SCUBE3: variants seen among roughly 807,000 people sequenced by gnomAD.
SCUBE3 encodes the protein signal peptide, CUB domain and EGF like domain containing 3.
A neutral mutation model predicts 116.8 loss-of-function variants in SCUBE3; 33 were observed. That is an observed-to-expected ratio of 0.28 (90% CI 0.21 to 0.38). The LOEUF is 0.38. Ranked by LOEUF, SCUBE3 falls within the 10% of genes least tolerant of loss-of-function variation. The probability of loss-of-function intolerance (pLI) is 1.00; values close to 1 mark genes in which losing one functional copy is unlikely to be tolerated. For synonymous variants in SCUBE3, 418 were observed against 496.9 expected (o/e 0.84, Z 2.11); for missense variants, 1,007 against 1,324.8 (o/e 0.76, Z 3.72).
chr6:35,245,091 G>A lies in SCUBE3; in HGVS notation c.2402-137G>A. On this transcript the variant is annotated intron_variant, in intron 18 of 21. Transcript: ENST00000274938. The surrounding 1 kb of genome is among the most constrained non-coding windows in gnomAD (Gnocchi z 4.2). ...AGGAAGGAAGATGGACTCAGAGCTTGGAAAATAATGATGAACTAGAACGCA... is the reference window on the plus strand; with the variant it reads ...AGGAAGGAAGATGGACTCAGAGCTTAGAAAATAATGATGAACTAGAACGCA... The A allele has an allele frequency of 1.2e-6, 1 of 826,652 alleles. No individual in the cohort carries two copies. Among genetic ancestry groups the A allele is most frequent in the Non-Finnish European group, 2.0e-6 (1 of 500,038 alleles). The allele number at this position is 826,652 out of a possible 1,614,324, so 51.2% of individuals were successfully genotyped here. A position where few individuals can be genotyped will look rare whatever the true frequency, so the allele number is the denominator to read the frequency against.
rs753414047 is a variant in SCUBE3 at position 35,232,916 on chromosome 6, G to A, written c.536G>A (p.Gly179Asp). The A allele has an allele frequency of 1.7e-5, 27 of 1,614,058 alleles. No homozygotes were observed. The highest frequency in any genetic ancestry group is 2.2e-5 in the Non-Finnish European group (26 of 1,180,004). Reference protein sequence around the residue: ...AHICRETPKGGIACECRPGFE... With the variant: ...AHICRETPKGDIACECRPGFE... ...ATTTGCCGGGAGACACCCAAGGGGGGTATTGCCTGTGAATGCCGTCCTGGC... is the reference window on the plus strand; with the variant it reads ...ATTTGCCGGGAGACACCCAAGGGGGATATTGCCTGTGAATGCCGTCCTGGC... Residue 179 changes from glycine (G) to aspartate (D), a missense_variant, in exon 5 of 22, where the codon GGT (glycine) becomes GAT (aspartate). Coordinates refer to ENST00000274938, the MANE Select transcript of SCUBE3 (RefSeq NM_152753.4). The surrounding 1 kb of genome is among the most constrained non-coding windows in gnomAD (Gnocchi z 4.2).
In SCUBE3 at chr6:35,243,171, C is replaced by T. The variant is rs745637146; in HGVS notation, c.1844C>T (p.Ala615Val). The change falls in exon 15 of 22, where the codon GCC becomes GTC. Residue 615 changes from alanine (A) to valine (V), a missense_variant. Physicochemically the swap from Ala to Val is moderately conservative, Grantham distance 64. This residue lies in a region of SCUBE3 where 544 missense variants were observed against 638.9 expected (regional missense o/e 0.85). Transcript: ENST00000274938. This position sits in a 1 kb window ranked among gnomAD's most constrained non-coding sequence, Gnocchi z 6.6. ...CTGGCCCACAAGCCGGGCCTGGTAG[C>T]CGGGGAGCGAGCAGAGCCGATGGAG... is the stretch of plus-strand genomic sequence containing the variant. The part of the protein sequence containing the change: ...YELAHKPGLV[A>V]GERAEPMESC... 5 of 1,614,088 alleles carry T rather than the reference C, an allele frequency of 3.1e-6. No individual in the cohort carries two copies. The Admixed American group carries it at 5.0e-5, about 16-fold the overall frequency.
rs1490336427 is a variant in SCUBE3, at chr6:35,249,916, GGTTTTTGTTTTCTGGGTTTGTTTTTT to G, written c.*1222_*1247del. The G allele has an allele frequency of 5.9e-5, 9 of 152,664 alleles. No individual in the cohort carries two copies. Among genetic ancestry groups the G allele is most frequent in the African/African-American group, 9.7e-5 (4 of 41,428 alleles). The allele number at this position is 152,664 out of a possible 1,614,324, so 9.5% of individuals were successfully genotyped here. A position where few individuals can be genotyped will look rare whatever the true frequency, so the allele number is the denominator to read the frequency against. Reference sequence around the variant, plus strand: ...TCTTTCTATGTTGTCTAGACGGAGGGGTTTTTGTTTTCTGGGTTTGTTTTTTGTTTTTGTTTCTTCTTCCTCTATTA... The same window carrying G: ...TCTTTCTATGTTGTCTAGACGGAGGGGTTTTTGTTTCTTCTTCCTCTATTA... On this transcript the variant is annotated 3_prime_UTR_variant, in exon 22 of 22. Transcript: ENST00000274938.
chr6:35,221,571 T>G (rs985160872), intron 1 of SCUBE3: 20 of 152,226 alleles, frequency 1.3e-4, no homozygotes, highest in African/African-American at 4.8e-4. Context: ...GGCTTCAATG[T>G]AGAATTCATC....
chr6:35,224,708 A>G (rs1783256877), intron 1 of SCUBE3: 2 of 151,422 alleles, frequency 1.3e-5, no homozygotes, highest in Admixed American at 1.3e-4. Context: ...GATCCACTCT[A>G]GTACTGGTGA....
rs1423963311 is a variant in SCUBE3, at chr6:35,242,714, C to G, written c.1627C>G (p.Pro543Ala). 6.2e-7 allele frequency: 1 copy of G among 1,614,146 alleles called. No homozygotes were observed. The highest frequency in any genetic ancestry group is 1.7e-5 in the Admixed American group (1 of 60,026). ...CAAGGGCCGACGGGCCCGGACCCCTCCAGGCAAAGAGGTCACAAGGCTCAC... is the reference window on the plus strand; with the variant it reads ...CAAGGGCCGACGGGCCCGGACCCCTGCAGGCAAAGAGGTCACAAGGCTCAC... Reference protein sequence around the residue: ...KGKGRRARTPPGKEVTRLTLE... With the variant: ...KGKGRRARTPAGKEVTRLTLE... Residue 543 changes from proline to alanine, a missense_variant, in exon 14 of 22, where the codon CCA (proline) becomes GCA (alanine). Physicochemically the swap from Pro to Ala is conservative, Grantham distance 27 (BLOSUM62 -1). Around this residue, in one of 5 missense-constraint regions of SCUBE3, gnomAD observed 544 missense variants for 638.9 expected, o/e 0.85. Coordinates refer to ENST00000274938, the MANE Select transcript of SCUBE3 (RefSeq NM_152753.4).
chr6:35,236,979 T>A (rs186783035), intron 6 of SCUBE3, among the ~76,000 whole-genome samples: 1 of 152,196 alleles, frequency 6.6e-6, no homozygotes, highest in East Asian at 1.9e-4. Flanking sequence ...ATTCAGAAAA[T>A]AGGGAGAGTG....
rs57396110 is a variant in SCUBE3 at position 35,227,841 on chromosome 6, C to G, written c.208+139C>G. On this transcript the variant is annotated intron_variant, in intron 2 of 21. Transcript: ENST00000274938. ...AGTGGTGGGGGGGTGGTGAGGGGGG[C>G]AACTGCATCTTCCCAGAGAGGGTGC... is the stretch of plus-strand genomic sequence containing the variant. The G allele has an allele frequency of 8.3e-5, 71 of 852,608 alleles. No individual in the cohort carries two copies. The African/African-American group carries it at 1.1e-3, about 14-fold the overall frequency. 52.8% of individuals were successfully genotyped at this position (852,608 alleles called of 1,614,324 possible). A position where few individuals can be genotyped will look rare whatever the true frequency, so the allele number is the denominator to read the frequency against.
Position 35,228,845 on chromosome 6 carries a change from C to T in SCUBE3, c.334+106C>T. 8.4e-7 allele frequency: 1 copy of T among 1,195,756 alleles called. No homozygotes were observed. The highest frequency in any genetic ancestry group is 1.2e-6 in the Non-Finnish European group (1 of 814,214). The allele number at this position is 1,195,756 out of a possible 1,614,324, so 74.1% of individuals were successfully genotyped here. A position where few individuals can be genotyped will look rare whatever the true frequency, so the allele number is the denominator to read the frequency against. On this transcript the variant is annotated intron_variant, in intron 3 of 21. Transcript: ENST00000274938. The surrounding 1 kb of genome is among the most constrained non-coding windows in gnomAD (Gnocchi z 4.9). ...AGGAGGAGAGAGTGATCAAGAAGAGCTACATTCACAAGAGAATAAGGTCAG... is the reference window on the plus strand; with the variant it reads ...AGGAGGAGAGAGTGATCAAGAAGAGTTACATTCACAAGAGAATAAGGTCAG...
chr6:35,228,692 C>T lies in SCUBE3; in HGVS notation c.287C>T (p.Thr96Ile). ...CVNIPGNYRC[T>I]CYDGFHLAHD... ...AACATCCCTGGCAATTACCGGTGTA[C>T]CTGCTATGATGGATTCCACCTGGCA... Residue 96 changes from threonine (T) to isoleucine (I), a missense_variant, in exon 3 of 22, where the codon ACC becomes ATC. By Grantham distance (89) the Thr-to-Ile change is moderately conservative (BLOSUM62 -1). This residue lies in a region of SCUBE3 where 37 missense variants were observed against 80.6 expected (regional missense o/e 0.46). Coordinates refer to ENST00000274938, the MANE Select transcript of SCUBE3 (RefSeq NM_152753.4). The surrounding 1 kb of genome is among the most constrained non-coding windows in gnomAD (Gnocchi z 4.9). 2 of 1,613,966 alleles carry T rather than the reference C, an allele frequency of 1.2e-6. No homozygotes were observed. Among genetic ancestry groups the T allele is most frequent in the East Asian group, 2.2e-5 (1 of 44,882 alleles).
At position 35,244,606 on chromosome 6, in the gene SCUBE3, A is replaced by C; in HGVS notation, c.2240-44A>C. 1 of 1,569,878 alleles carries C rather than the reference A, an allele frequency of 6.4e-7. No individual in the cohort carries two copies. Among genetic ancestry groups the C allele is most frequent in the Non-Finnish European group, 8.8e-7 (1 of 1,141,634 alleles). On this transcript the variant is annotated intron_variant, in intron 17 of 21. Coordinates refer to ENST00000274938, the MANE Select transcript of SCUBE3 (RefSeq NM_152753.4). The surrounding 1 kb of genome is among the most constrained non-coding windows in gnomAD (Gnocchi z 4.3). Reference sequence around the variant, plus strand: ...GTCCATCCCATGCCCCGTAACTCCCACCTGCCTACCATCTTGATTCCTGCC... The same window carrying C: ...GTCCATCCCATGCCCCGTAACTCCCCCCTGCCTACCATCTTGATTCCTGCC...
chr6:35,240,630 T>G lies in SCUBE3; in HGVS notation c.1069+140T>G, dbSNP rs1429265162. 1.9e-6 allele frequency: 1 copy of G among 535,018 alleles called. No individual in the cohort carries two copies. The highest frequency in any genetic ancestry group is 3.3e-6 in the Non-Finnish European group (1 of 299,444). 33.1% of individuals were successfully genotyped at this position (535,018 alleles called of 1,614,324 possible). On this transcript the variant is annotated intron_variant, in intron 9 of 21. Transcript: ENST00000274938. This position sits in a 1 kb window ranked among gnomAD's most constrained non-coding sequence, Gnocchi z 4.6. ...CATGTCTGCATCCGCTGTGACAAAATAGGAGGAATTAAGACAGCTTTTGAA... is the reference window on the plus strand; with the variant it reads ...CATGTCTGCATCCGCTGTGACAAAAGAGGAGGAATTAAGACAGCTTTTGAA...
At chr6:35,226,736 C>G (rs1476479886) in intron 1 of SCUBE3, among the ~76,000 whole-genome samples, 1 of 152,092 alleles carries the variant, frequency 6.6e-6, no homozygotes, top group Non-Finnish European at 1.5e-5. Flanking sequence ...CCTTGGCCTC[C>G]CAAAGTGCTG....
Position 35,251,355 on chromosome 6 carries a change from T to C in SCUBE3, c.*2650T>C, listed in dbSNP as rs1784550061. On this transcript the variant is annotated 3_prime_UTR_variant, in exon 22 of 22. Coordinates refer to ENST00000274938, the MANE Select transcript of SCUBE3 (RefSeq NM_152753.4). ...TAGTAGAGATGGGGTTTCACCATGT[T>C]GCCCGGGCTGGTCTTGAACTCTTGA... is the stretch of plus-strand genomic sequence containing the variant. The C allele has an allele frequency of 6.6e-6, 1 of 151,590 alleles. No homozygotes were observed. Among genetic ancestry groups the C allele is most frequent in the African/African-American group, 2.4e-5 (1 of 41,166 alleles). 9.4% of individuals were successfully genotyped at this position (151,590 alleles called of 1,614,324 possible).
rs1783388634 is a variant in SCUBE3 at position 35,227,817 on chromosome 6, G to A, written c.208+115G>A. 5 of 1,124,212 alleles carry A rather than the reference G, an allele frequency of 4.4e-6. No individual in the cohort carries two copies. In the South Asian group the frequency reaches 7.1e-5, roughly 16 times the overall value. The allele number at this position is 1,124,212 out of a possible 1,614,324, so 69.6% of individuals were successfully genotyped here. On this transcript the variant is annotated intron_variant, in intron 2 of 21. Transcript: ENST00000274938. ...CAAGGCTAGAAATTCCACTGGTCAA[G>A]TGGTGGGGGGGTGGTGAGGGGGGCA...
Position 35,251,148 on chromosome 6 carries a change from T to A in SCUBE3, c.*2443T>A, listed in dbSNP as rs1303134514. On this transcript the variant is annotated 3_prime_UTR_variant, in exon 22 of 22. Coordinates refer to ENST00000274938, the MANE Select transcript of SCUBE3 (RefSeq NM_152753.4). ...AGCTAGGATAACTTTCTTTCTTTCT[T>A]TCTTTTTTTTTTTTTTTTTTTTTGA... is the stretch of plus-strand genomic sequence containing the variant. 7.5e-6 allele frequency: 1 copy of A among 134,034 alleles called. No homozygotes were observed. Among genetic ancestry groups the A allele is most frequent in the African/African-American group, 2.7e-5 (1 of 37,240 alleles). The allele number at this position is 134,034 out of a possible 1,614,324, so 8.3% of individuals were successfully genotyped here. A position where few individuals can be genotyped will look rare whatever the true frequency, so the allele number is the denominator to read the frequency against.
Position 35,242,747 on chromosome 6 carries a change from C to T in SCUBE3, c.1660C>T (p.Leu554=). The stretch of plus-strand genomic sequence containing the variant: ...AGAGGTCACAAGGCTCACCCTGGAA[C>T]TGGAGGCAGAGGTCAGAGCCGAAGA... ...GKEVTRLTLE[L]EAEVRAEETT... Residue 554 remains leucine, a synonymous_variant, in exon 14 of 22, where the codon CTG becomes TTG. Transcript: ENST00000274938. The T allele has an allele frequency of 6.2e-7, 1 of 1,614,046 alleles. No individual in the cohort carries two copies. Among genetic ancestry groups the T allele is most frequent in the South Asian group, 1.1e-5 (1 of 91,080 alleles).
In SCUBE3 at chr6:35,226,480, CT is replaced by C. The variant is rs764779695; in HGVS notation, c.86-1078del. Among the ~76,000 whole-genome samples the C allele has an allele frequency of 5.3e-3, 452 of 85,196 alleles. 2 individuals carry two copies. Among genetic ancestry groups the C allele is most frequent in the Middle Eastern group, 0.023 (2 of 88 alleles). The allele number at this position is 85,196 out of a possible 152,430, so 55.9% of individuals were successfully genotyped here. A position where few individuals can be genotyped will look rare whatever the true frequency, so the allele number is the denominator to read the frequency against. ...CAGAAGTTGGACTCTTTTCTATGTC[CT>C]TTTTTTTTTTTTTTTTTTTTTGAGA... On this transcript the variant is annotated intron_variant, in intron 1 of 21. Transcript: ENST00000274938.
chr6:35,227,505 T>C, intron 1 of SCUBE3, 75 bp from the exon 2 acceptor site: 1 of 1,556,270 alleles, frequency 6.4e-7, no homozygotes. Flanking sequence ...GATTCTGCCC[T>C]TGGAAGCCCA....
Sources: gnomAD v4.1 joint callset for allele counts (sites outside exome capture counted in the v4.1 genomes callset) on GRCh38, gnomAD v4.1.1 for gene constraint, gnomAD v4.1.1 regional missense constraint, Gnocchi (gnomAD v3.1) non-coding constraint, MANE v1.5 for transcripts, NCBI Gene and HGNC (gene_info 2026-07-23, HGNC 2026-07-21) for gene names.